Variants in LIMK2 observed in about 807,000 individuals in gnomAD.
LIMK2 encodes LIM domain kinase 2.
A neutral mutation model predicts 75.7 loss-of-function variants in LIMK2; 35 were observed. The observed-to-expected ratio is 0.46, with a 90% confidence interval of 0.35 to 0.61. LIMK2 has a LOEUF of 0.61. Among genes scored for constraint, LIMK2 ranks in the 20% least tolerant of loss-of-function variants. The pLI is 0.00. For synonymous variants in LIMK2, 301 were observed against 319.2 expected (o/e 0.94, Z 0.61); for missense variants, 623 against 831.0 (o/e 0.75, Z 3.08).
intron 1 of LIMK2, among the ~76,000 whole-genome samples, chr22:31,222,525 C>T (rs915119400): frequency 2.6e-5 from 4 of 151,858 alleles, no homozygotes; most frequent in African/African-American, 9.7e-5. Flanking sequence ...CAGGCGTGCA[C>T]CACCATGCCC....
Position 31,244,556 on chromosome 22 carries a change from ACCT to A in LIMK2, c.117-13731_117-13729del, listed in dbSNP as rs1023900001. ...GTGTGTCCCCTCGGCTAGGATCCTG[ACCT>A]CCTGCTCAAGAGTTTAAACTCAACT... is the stretch of plus-strand genomic sequence containing the variant. On this transcript the variant is annotated intron_variant, in intron 2 of 15. Transcript: ENST00000331728. 6.6e-5 allele frequency among the ~76,000 whole-genome samples: 10 copies of A among 151,522 alleles called. 1 individual carries two copies. The highest frequency in any genetic ancestry group is 1.7e-4 in the African/African-American group (7 of 41,218).
chr22:31,247,085 A>G (rs1159840087), intron 2 of LIMK2, among the ~76,000 whole-genome samples: 1 of 152,130 alleles, frequency 6.6e-6, no homozygotes, highest in Non-Finnish European at 1.5e-5. Flanking sequence ...TCTTTATCAG[A>G]CTTTCCTGCC....
rs530506348 is a variant in LIMK2 at position 31,269,062 on chromosome 22, G to GT, written c.1317+871dup. Among the ~76,000 whole-genome samples the GT allele has an allele frequency of 8.1e-3, 1,137 of 140,300 alleles. 12 individuals are homozygous for GT. The highest frequency in any genetic ancestry group is 0.023 in the African/African-American group (898 of 39,650). 92.0% of individuals were successfully genotyped at this position (140,300 alleles called of 152,430 possible). ...TGTTTGTTTGTTTGTTTGTTTTTTTGTTTTTTTTTCCTGTTTCTGGGGCTT... is the reference window on the plus strand; with the variant it reads ...TGTTTGTTTGTTTGTTTGTTTTTTTGTTTTTTTTTTCCTGTTTCTGGGGCTT... On this transcript the variant is annotated intron_variant, in intron 11 of 15. Transcript: ENST00000331728.
chr22:31,212,957 T>C (rs146505301), intron 1 of LIMK2, among the ~76,000 whole-genome samples: 217 of 152,166 alleles, frequency 1.4e-3, no homozygotes, highest in African/African-American at 4.7e-3. Flanking sequence ...CATCTTGGTG[T>C]CTGGGAGTCC....
At chr22:31,263,722 G>C (rs1456744981) in intron 7 of LIMK2, among the ~76,000 whole-genome samples, 2 of 152,190 alleles carry the variant, frequency 1.3e-5, no homozygotes, top group Non-Finnish European at 2.9e-5. Context: ...GATGGGCAGG[G>C]CACTGTGGCT....
chr22:31,214,953 G>T (rs762821504), intron 1 of LIMK2, among the ~76,000 whole-genome samples: 17 of 152,062 alleles, frequency 1.1e-4, no homozygotes, highest in Non-Finnish European at 1.9e-4. Flanking sequence ...GTGCTACCAC[G>T]CCCAGCTAAT....
chr22:31,213,869 G>A (rs975111793), intron 1 of LIMK2, among the ~76,000 whole-genome samples: 30 of 149,110 alleles, frequency 2.0e-4, no homozygotes, highest in Admixed American at 4.0e-4. Context: ...AGGCTGGGGT[G>A]CAGTGGCACA....
chr22:31,219,694 C>G (rs2048417845), intron 1 of LIMK2, among the ~76,000 whole-genome samples: 1 of 152,166 alleles, frequency 6.6e-6, no homozygotes, highest in Non-Finnish European at 1.5e-5. Flanking sequence ...GCTTCAGCCT[C>G]CCGAGTAGCT....
At chr22:31,249,563 C>T (rs921830815) in intron 2 of LIMK2, among the ~76,000 whole-genome samples, 1 of 152,188 alleles carries the variant, frequency 6.6e-6, no homozygotes, top group African/African-American at 2.4e-5. Flanking sequence ...TTCTGGCCCT[C>T]TGGGTCCCTT....
intron 2 of LIMK2, among the ~76,000 whole-genome samples, chr22:31,247,546 A>G (rs1202317639): frequency 1.3e-5 from 2 of 152,136 alleles, no homozygotes; most frequent in African/African-American, 2.4e-5. Context: ...GCTCCATCCT[A>G]TTTGCAGAGA....
intron 1 of LIMK2, among the ~76,000 whole-genome samples, chr22:31,213,209 G>A (rs1468257951): frequency 6.6e-6 from 1 of 152,170 alleles, no homozygotes. Context: ...TTGTCTAAGG[G>A]TGAAGGGTAG....
At position 31,271,067 on chromosome 22, in the gene LIMK2, G is replaced by A. The variant is rs190481040; in HGVS notation, c.1318-69G>A. 1.9e-3 allele frequency: 2,664 copies of A among 1,420,598 alleles called. 5 individuals carry two copies. The highest frequency in any genetic ancestry group is 3.3e-3 in the Middle Eastern group (19 of 5,724). The allele number at this position is 1,420,598 out of a possible 1,614,324, so 88.0% of individuals were successfully genotyped here. A position where few individuals can be genotyped will look rare whatever the true frequency, so the allele number is the denominator to read the frequency against. On this transcript the variant is annotated intron_variant, in intron 11 of 15. Coordinates refer to ENST00000331728, the MANE Select transcript of LIMK2 (RefSeq NM_005569.4). ...GGCCTGGTAGGAGAGCATCTATGGC[G>A]CCCAATTCCAGATTCAGGGTCTAGT...
chr22:31,242,490 A>G (rs1246977005), intron 2 of LIMK2, among the ~76,000 whole-genome samples: 1 of 152,236 alleles, frequency 6.6e-6, no homozygotes, highest in Non-Finnish European at 1.5e-5. Flanking sequence ...CAGTTTCTCC[A>G]AAGTTACTAA....
chr22:31,248,544 T>C, intron 2 of LIMK2: 2 of 1,594,208 alleles, frequency 1.3e-6, no homozygotes, highest in South Asian at 2.2e-5. Context: ...CCAAGTGGCC[T>C]GGAGTCCTCA....
chr22:31,260,202 G>A, intron 5 of LIMK2, 125 bp downstream of exon 5: 1 of 778,330 alleles, frequency 1.3e-6, no homozygotes, highest in Non-Finnish European at 1.9e-6. Context: ...TCTTTCTCCT[G>A]GACCCCACTA....
intron 2 of LIMK2, among the ~76,000 whole-genome samples, chr22:31,246,639 G>A (rs1175696308): frequency 1.3e-5 from 2 of 151,866 alleles, no homozygotes; most frequent in South Asian, 4.1e-4. Context: ...TGTAGTCCCA[G>A]CTACTCTGGA....
rs377736328 is a variant in LIMK2, at chr22:31,232,602, AATTC to A, written c.116+6787_116+6790del. On this transcript the variant is annotated intron_variant, in intron 2 of 15. Transcript: ENST00000331728. ...GGCATACTAGCCTGGCCTCTTAATT[AATTC>A]ATTAATTAGCTTATTTATTTTTGAG... Among the ~76,000 whole-genome samples the A allele has an allele frequency of 9.2e-3, 1,403 of 152,120 alleles. 8 individuals carry two copies. The highest frequency in any genetic ancestry group is 0.024 in the Middle Eastern group (7 of 294).
At chr22:31,268,093 A>T (rs755277968) in intron 10 of LIMK2, 51 bp from the exon 11 acceptor site, 46 of 1,588,490 alleles carry the variant, frequency 2.9e-5, no homozygotes, top group Non-Finnish European at 3.9e-5. Context: ...GGCCTGGACC[A>T]CGAGTGGGAC....
Position 31,268,159 on chromosome 22 carries a change from C to T in LIMK2, c.1276C>T (p.Gln426Ter), listed in dbSNP as rs1421798320. 6.2e-7 allele frequency: 1 copy of T among 1,614,036 alleles called. No individual in the cohort carries two copies. Among genetic ancestry groups the T allele is most frequent in the African/African-American group, 1.3e-5 (1 of 75,036 alleles). ...FLRSMDPFPW[Q>*]QKVRFAKGIA... Reference sequence around the variant, plus strand: ...CATTCTGCAGGATCCGTTCCCCTGGCAGCAGAAGGTCAGGTTTGCCAAAGG... The same window carrying T: ...CATTCTGCAGGATCCGTTCCCCTGGTAGCAGAAGGTCAGGTTTGCCAAAGG... The change falls in exon 11 of 16, where the codon CAG becomes TAG. Residue 426 changes from glutamine (Q) to a stop codon, truncating the protein, a stop_gained. Coordinates refer to ENST00000331728, the MANE Select transcript of LIMK2 (RefSeq NM_005569.4). LOFTEE classifies it high-confidence loss of function.
Sources: allele counts gnomAD v4.1 joint callset (sites outside exome capture counted in the v4.1 genomes callset), GRCh38; gene constraint gnomAD v4.1.1; transcripts MANE v1.5; gene names NCBI Gene and HGNC (gene_info 2026-07-23, HGNC 2026-07-21).